Variants in PRDM16 observed in about 807,000 individuals in gnomAD.
PRDM16 encodes histone-lysine N-methyltransferase PRDM16.
In PRDM16, 23 loss-of-function variants were observed where a neutral mutation model predicts 110.6. The observed-to-expected ratio is 0.21, with a 90% confidence interval of 0.15 to 0.29. The LOEUF is 0.29. PRDM16 is among the 10% of genes least tolerant of loss of function. The pLI is 1.00. For synonymous variants in PRDM16, 799 were observed against 781.8 expected, an observed-to-expected ratio of 1.02 and a Z score of -0.37; for missense variants, 1,615 against 1,794.3, an observed-to-expected ratio of 0.90 and a Z score of 1.81.
At chr1:3,118,168 G>A (rs919555546) in intron 1 of PRDM16, among the ~76,000 whole-genome samples, 1 of 151,742 alleles carries the variant, frequency 6.6e-6, no homozygotes, top group African/African-American at 2.4e-5. Context: ...TGCTGTGTGT[G>A]TTTGGAAAGA....
chr1:3,080,981 C>T lies in PRDM16; in HGVS notation c.37+11685C>T, dbSNP rs1421863223. Among the ~76,000 whole-genome samples, 3 of 151,724 alleles carry T rather than the reference C, an allele frequency of 2.0e-5. No homozygotes were observed. Among genetic ancestry groups the T allele is most frequent in the Non-Finnish European group, 2.9e-5 (2 of 67,964 alleles). On this transcript the variant is annotated intron_variant, in intron 1 of 16. Transcript: ENST00000270722. The surrounding 1 kb of genome is among the most constrained non-coding windows in gnomAD (Gnocchi z 5.2). ...GGCGGGGGGGGTCTGCACATTCCGCCGAGTGTCCTCATGAACAAAAGGCCT... is the reference window on the plus strand; with the variant it reads ...GGCGGGGGGGGTCTGCACATTCCGCTGAGTGTCCTCATGAACAAAAGGCCT...
intron 3 of PRDM16, among the ~76,000 whole-genome samples, chr1:3,336,649 AGT>A (rs1409795775): frequency 9.3e-5 from 12 of 128,616 alleles, no homozygotes; most frequent in Admixed American, 4.0e-4. Context: ...TGTTGGAGTG[AGT>A]GTGTGTATGT....
At chr1:3,149,778 G>T (rs528545295) in intron 1 of PRDM16, among the ~76,000 whole-genome samples, 41 of 152,300 alleles carry the variant, frequency 2.7e-4, no homozygotes, top group African/African-American at 9.6e-4. Flanking sequence ...CACCTTCACC[G>T]CTCAGGAGGG....
Position 3,360,991 on chromosome 1 carries a change from G to A in PRDM16, c.439-24161G>A, listed in dbSNP as rs142788755. Among the ~76,000 whole-genome samples, 157 of 152,348 alleles carry A rather than the reference G, an allele frequency of 1.0e-3. 3 individuals carry two copies. The East Asian group carries it at 0.013, about 12-fold the overall frequency. On this transcript the variant is annotated intron_variant, in intron 3 of 16. Coordinates refer to ENST00000270722, the MANE Select transcript of PRDM16 (RefSeq NM_022114.4). Reference sequence around the variant, plus strand: ...GGAGTCTATGCACTCTCGTTTTCTCGGCGGAGCCACTTGTGTGTGCTGGAG... The same window carrying A: ...GGAGTCTATGCACTCTCGTTTTCTCAGCGGAGCCACTTGTGTGTGCTGGAG...
At chr1:3,264,506 C>T (rs555306271) in intron 3 of PRDM16, among the ~76,000 whole-genome samples, 3 of 113,866 alleles carry the variant, frequency 2.6e-5, no homozygotes, top group Non-Finnish European at 5.3e-5. Flanking sequence ...AGGGGAGAGG[C>T]GCAGAGGGGC....
At chr1:3,104,749 G>A (rs71634313) in intron 1 of PRDM16, among the ~76,000 whole-genome samples, 15,803 of 152,064 alleles carry the variant, frequency 0.1, 866 homozygotes, top group Middle Eastern at 0.18. Context: ...CACGTCACCT[G>A]GCCCTCGCTG....
At chr1:3,249,430 T>A (rs1639873287) in intron 3 of PRDM16, among the ~76,000 whole-genome samples, 1 of 151,512 alleles carries the variant, frequency 6.6e-6, no homozygotes, top group African/African-American at 2.4e-5. Context: ...GCCAGCGAGG[T>A]GAGTGAGGTT....
chr1:3,424,521 C>T (rs552026874), intron 12 of PRDM16, among the ~76,000 whole-genome samples: 1 of 152,264 alleles, frequency 6.6e-6, no homozygotes, highest in Non-Finnish European at 1.5e-5. Flanking sequence ...AAGGGGGTCT[C>T]ATCCCAACTT....
chr1:3,322,527 C>T (rs1641784312), intron 3 of PRDM16, among the ~76,000 whole-genome samples: 1 of 152,126 alleles, frequency 6.6e-6, no homozygotes, highest in African/African-American at 2.4e-5. Context: ...CCCACCCACC[C>T]CCACTCTGAG....
Position 3,370,625 on chromosome 1 carries a change from A to T in PRDM16, c.439-14527A>T, listed in dbSNP as rs757393020. On this transcript the variant is annotated intron_variant, in intron 3 of 16. Transcript: ENST00000270722. The surrounding 1 kb of genome is among the most constrained non-coding windows in gnomAD (Gnocchi z 4.8). ...AGGGCAGGGACTGTGAGAGTGTCTG[A>T]GAGGAGCCTCACCCTGATGTGAGGG... Among the ~76,000 whole-genome samples, 3 of 152,142 alleles carry T rather than the reference A, an allele frequency of 2.0e-5. No individual in the cohort carries two copies. Among genetic ancestry groups the T allele is most frequent in the African/African-American group, 4.8e-5 (2 of 41,428 alleles).
intron 3 of PRDM16, among the ~76,000 whole-genome samples, chr1:3,297,267 T>C (rs551386772): frequency 1.3e-5 from 2 of 148,912 alleles, no homozygotes; most frequent in East Asian, 2.1e-4. Flanking sequence ...CAGGTCAACG[T>C]CTGGTGAGAG....
intron 2 of PRDM16, among the ~76,000 whole-genome samples, chr1:3,203,146 A>G (rs758628541): frequency 7.9e-5 from 12 of 152,102 alleles, no homozygotes; most frequent in Non-Finnish European, 1.8e-4. Context: ...TGGAAAAGCC[A>G]CTCTCTGAGA....
In PRDM16 at chr1:3,390,518, T is replaced by C. The variant is rs947716113; in HGVS notation, c.573+5232T>C. On this transcript the variant is annotated intron_variant, in intron 4 of 16. Transcript: ENST00000270722. This position sits in a 1 kb window ranked among gnomAD's most constrained non-coding sequence, Gnocchi z 5.0. ...AGAGCAGGGGTCCCGGCGCCCGCCG[T>C]GGAGCAGCACAGCCCCTCCACAGAG... 2.0e-5 allele frequency among the ~76,000 whole-genome samples: 3 copies of C among 152,176 alleles called. No individual in the cohort carries two copies. The highest frequency in any genetic ancestry group is 7.2e-5 in the African/African-American group (3 of 41,436).
At chr1:3,316,893 C>G (rs1011847248) in intron 3 of PRDM16, among the ~76,000 whole-genome samples, 1 of 152,074 alleles carries the variant, frequency 6.6e-6, no homozygotes, top group Admixed American at 6.5e-5. Flanking sequence ...ACAATGTAGC[C>G]AGGAAGCCGA....
rs572705951 is a variant in PRDM16 at position 3,437,108 on chromosome 1, G to A, written c.*3297G>A. On this transcript the variant is annotated 3_prime_UTR_variant, in exon 17 of 17. Transcript: ENST00000270722. ...ATCACTGACTTCAACCCAGAGGATCGAGCCCCTGCACCCTGCCTGGGGCCC... is the reference window on the plus strand; with the variant it reads ...ATCACTGACTTCAACCCAGAGGATCAAGCCCCTGCACCCTGCCTGGGGCCC... 52 of 232,458 alleles carry A rather than the reference G, an allele frequency of 2.2e-4. No homozygotes were observed. Among genetic ancestry groups the A allele is most frequent in the African/African-American group, 7.3e-4 (33 of 45,378 alleles). 14.4% of individuals were successfully genotyped at this position (232,458 alleles called of 1,614,324 possible). A position where few individuals can be genotyped will look rare whatever the true frequency, so the allele number is the denominator to read the frequency against.
At position 3,290,176 on chromosome 1, in the gene PRDM16, T is replaced by TC. The variant is rs1640940418; in HGVS notation, c.438+46041dup. Among the ~76,000 whole-genome samples the TC allele has an allele frequency of 6.6e-6, 1 of 152,140 alleles. No homozygotes were observed. Among genetic ancestry groups the TC allele is most frequent in the African/African-American group, 2.4e-5 (1 of 41,420 alleles). On this transcript the variant is annotated intron_variant, in intron 3 of 16. Coordinates refer to ENST00000270722, the MANE Select transcript of PRDM16 (RefSeq NM_022114.4). The surrounding 1 kb of genome is among the most constrained non-coding windows in gnomAD (Gnocchi z 4.8). ...TCTCCTGGGTATCACACCCTACGAC[T>TC]CCAAGGCTGGCCCGGCACAGGGGCT... is the stretch of plus-strand genomic sequence containing the variant.
At chr1:3,334,378 G>T (rs12058584) in intron 3 of PRDM16, among the ~76,000 whole-genome samples, 9,215 of 152,244 alleles carry the variant, frequency 0.061, 334 homozygotes, top group Middle Eastern at 0.085. Context: ...AGATGGCGAG[G>T]CCAATGAGTA....
chr1:3,199,292 C>T (rs987609890), intron 2 of PRDM16, among the ~76,000 whole-genome samples: 2 of 152,030 alleles, frequency 1.3e-5, no homozygotes, highest in African/African-American at 4.8e-5. Context: ...GTGGGGGTCT[C>T]AGGGCCTGGG....
chr1:3,224,773 C>T lies in PRDM16; in HGVS notation c.388-19314C>T, dbSNP rs553555904. ...GGGGAACCCCTACTGTGAAGCCAGGCGGGAGGATGCCTACTGTGGTGCCAC... is the reference window on the plus strand; with the variant it reads ...GGGGAACCCCTACTGTGAAGCCAGGTGGGAGGATGCCTACTGTGGTGCCAC... On this transcript the variant is annotated intron_variant, in intron 2 of 16. Transcript: ENST00000270722. 1.2e-3 allele frequency among the ~76,000 whole-genome samples: 182 copies of T among 152,312 alleles called. No individual in the cohort carries two copies. The South Asian group carries it at 0.012, about 10-fold the overall frequency.
Sources: allele counts gnomAD v4.1 joint callset (sites outside exome capture counted in the v4.1 genomes callset), GRCh38; gene constraint gnomAD v4.1.1; non-coding constraint Gnocchi (gnomAD v3.1); transcripts MANE v1.5; gene names NCBI Gene and HGNC (gene_info 2026-07-23, HGNC 2026-07-21).